Variants in ACTN1 observed in about 807,000 individuals in gnomAD.
ACTN1 encodes alpha-actinin-1.
A neutral mutation model predicts 119.6 loss-of-function variants in ACTN1; 30 were observed. The observed-to-expected ratio is 0.25, with a 90% CI of 0.19 to 0.34. The LOEUF is 0.34. Among genes scored for constraint, ACTN1 ranks in the 10% least tolerant of loss-of-function variants. ACTN1 has a pLI of 1.00. For synonymous variants in ACTN1, 429 were observed against 472.6 expected (o/e 0.91, Z 1.20); for missense variants, 764 against 1,223.4 (o/e 0.62, Z 5.60).
chr14:68,965,695 C>T (rs774142212), intron 1 of ACTN1, among the ~76,000 whole-genome samples: 3 of 152,204 alleles, frequency 2.0e-5, no homozygotes, highest in Non-Finnish European at 2.9e-5. Flanking sequence ...GCAGGTATTT[C>T]CAGAGCCAGA....
intron 1 of ACTN1, among the ~76,000 whole-genome samples, chr14:68,976,547 G>C (rs1233030893): frequency 6.6e-6 from 1 of 152,230 alleles, no homozygotes. Flanking sequence ...TGAATCTTCA[G>C]AGTCAGGCCC....
At chr14:68,976,922 C>G (rs1272888992) in intron 1 of ACTN1, among the ~76,000 whole-genome samples, 1 of 152,234 alleles carries the variant, frequency 6.6e-6, no homozygotes, top group African/African-American at 2.4e-5. Flanking sequence ...CACCCACTGC[C>G]ACCCAGGTCA....
chr14:68,932,915 A>G (rs964247819), intron 1 of ACTN1, among the ~76,000 whole-genome samples: 6 of 152,156 alleles, frequency 3.9e-5, no homozygotes, highest in African/African-American at 1.4e-4. Context: ...GGAGACAAAC[A>G]CATATGCCAC....
At chr14:68,895,922 T>C (rs1424261311) in intron 8 of ACTN1, among the ~76,000 whole-genome samples, 1 of 152,030 alleles carries the variant, frequency 6.6e-6, no homozygotes, top group Admixed American at 6.6e-5. Flanking sequence ...AGATTCCGGG[T>C]GGGCCTCCTG....
At chr14:68,946,987 T>C (rs1273614058) in intron 1 of ACTN1, among the ~76,000 whole-genome samples, 2 of 152,226 alleles carry the variant, frequency 1.3e-5, no homozygotes, top group Non-Finnish European at 2.9e-5. Flanking sequence ...TCTCCCACTT[T>C]CCAAGGGGCC....
intron 1 of ACTN1, among the ~76,000 whole-genome samples, chr14:68,949,725 C>T (rs1594861197): frequency 6.6e-6 from 1 of 152,196 alleles, no homozygotes; most frequent in South Asian, 2.1e-4. Flanking sequence ...AACAGATGAA[C>T]GGAGAAACCA....
intron 21 of ACTN1, among the ~76,000 whole-genome samples, chr14:68,876,385 C>G (rs2030894374): frequency 1.3e-5 from 2 of 152,180 alleles, no homozygotes; most frequent in African/African-American, 4.8e-5. Flanking sequence ...ACCCCACCCC[C>G]ACCATTTCTT....
chr14:68,971,704 A>G (rs1375297653), intron 1 of ACTN1, among the ~76,000 whole-genome samples: 1 of 152,202 alleles, frequency 6.6e-6, no homozygotes, highest in Non-Finnish European at 1.5e-5. Context: ...GGGTTTCCCT[A>G]GGTCCCCCAG....
intron 10 of ACTN1, 93 bp from the exon 11 acceptor site, chr14:68,890,379 T>G: frequency 6.9e-7 from 1 of 1,446,326 alleles, no homozygotes; most frequent in Non-Finnish European, 9.4e-7. Context: ...CCCCATGCCT[T>G]CCAGGAAGAG....
intron 3 of ACTN1, among the ~76,000 whole-genome samples, chr14:68,914,888 A>C (rs1190720101): frequency 1.3e-5 from 2 of 152,200 alleles, no homozygotes; most frequent in Non-Finnish European, 2.9e-5. Context: ...AATAATAATA[A>C]TTTCTGGGAA....
rs1172671131 is a variant in ACTN1, at chr14:68,925,936, G to A, written c.106-264C>T. ...GAAGCAGCAAATTCCCTTAACATCC[G>A]CCTCCCAGCCCTCTCTCAAAGACTC... On this transcript the variant is annotated intron_variant, in intron 1 of 21. Transcript: ENST00000394419. This position sits in a 1 kb window ranked among gnomAD's most constrained non-coding sequence, Gnocchi z 4.3. Among the ~76,000 whole-genome samples the A allele has an allele frequency of 6.6e-6, 1 of 152,148 alleles. No homozygotes were observed. The highest frequency in any genetic ancestry group is 1.9e-4 in the East Asian group (1 of 5,200).
At chr14:68,922,669 G>A (rs1345981690) in intron 2 of ACTN1, among the ~76,000 whole-genome samples, 1 of 152,266 alleles carries the variant, frequency 6.6e-6, no homozygotes, top group African/African-American at 2.4e-5. Flanking sequence ...AAACACGGGA[G>A]AATGGAAAAA....
At chr14:68,933,054 C>T (rs1204167586) in intron 1 of ACTN1, among the ~76,000 whole-genome samples, 1 of 152,144 alleles carries the variant, frequency 6.6e-6, no homozygotes, top group Non-Finnish European at 1.5e-5. Context: ...TATTATTCTC[C>T]CCACTTTAGA....
rs567381353 is a variant in ACTN1, at chr14:68,918,976, G to A, written c.340+2030C>T. ...ACGTGGCTGGTGATACCCATCCTACGAGCCCATCATGAGTGTAGCAGGAGA... is the reference window on the plus strand; with the variant it reads ...ACGTGGCTGGTGATACCCATCCTACAAGCCCATCATGAGTGTAGCAGGAGA... On this transcript the variant is annotated intron_variant, in intron 3 of 21. Transcript: ENST00000394419. Among the ~76,000 whole-genome samples the A allele has an allele frequency of 3.9e-5, 6 of 152,242 alleles. No individual in the cohort carries two copies. The East Asian group carries it at 7.7e-4, about 20-fold the overall frequency.
At chr14:68,964,304 A>AGTAC in intron 1 of ACTN1, among the ~76,000 whole-genome samples, 1 of 152,310 alleles carries the variant, frequency 6.6e-6, no homozygotes, top group Admixed American at 6.5e-5. Flanking sequence ...ACAGGAGTCA[A>AGTAC]GTACCCTCCA....
Position 68,885,311 on chromosome 14 carries a change from C to T in ACTN1, c.1385+114G>A. On this transcript the variant is annotated intron_variant, in intron 12 of 21. Transcript: ENST00000394419. The surrounding 1 kb of genome is among the most constrained non-coding windows in gnomAD (Gnocchi z 5.6). Reference sequence around the variant, plus strand: ...GTTGACTCCCTCCCCACCTGGGCACCCACCTGTACCCACCCTCCCCATCTT... The same window carrying T: ...GTTGACTCCCTCCCCACCTGGGCACTCACCTGTACCCACCCTCCCCATCTT... The T allele has an allele frequency of 1.5e-6, 2 of 1,343,220 alleles. No homozygotes were observed. Among genetic ancestry groups the T allele is most frequent in the Non-Finnish European group, 2.0e-6 (2 of 1,009,824 alleles). The allele number at this position is 1,343,220 out of a possible 1,614,324, so 83.2% of individuals were successfully genotyped here. A position where few individuals can be genotyped will look rare whatever the true frequency, so the allele number is the denominator to read the frequency against.
intron 10 of ACTN1, 108 bp from the exon 11 acceptor site, chr14:68,890,394 T>A: frequency 7.6e-7 from 1 of 1,322,902 alleles, no homozygotes; most frequent in Non-Finnish European, 1.0e-6. Context: ...GAAGAGCCTC[T>A]TCCCTATCTC....
chr14:68,977,953 G>A (rs1173036264), intron 1 of ACTN1: 1 of 456,020 alleles, frequency 2.2e-6, no homozygotes, highest in Admixed American at 2.3e-5. Flanking sequence ...GGCTCACCGC[G>A]CAGGCAGGAA....
chr14:68,909,954 C>A lies in ACTN1; in HGVS notation c.515+1G>T. On this transcript the variant is annotated splice_donor_variant, in intron 5 of 21. Transcript: ENST00000394419. LOFTEE classifies it high-confidence loss of function. This position sits in a 1 kb window ranked among gnomAD's most constrained non-coding sequence, Gnocchi z 4.1. ...AGAGCCCCTCAGACCCCAGCACTCA[C>A]CTTATGTGGAAGTTCTGGATGTTGA... The A allele has an allele frequency of 6.2e-7, 1 of 1,613,758 alleles. No individual in the cohort carries two copies. The highest frequency in any genetic ancestry group is 8.5e-7 in the Non-Finnish European group (1 of 1,179,726).
Sources: allele counts gnomAD v4.1 joint callset (sites outside exome capture counted in the v4.1 genomes callset), GRCh38; gene constraint gnomAD v4.1.1; non-coding constraint Gnocchi (gnomAD v3.1); transcripts MANE v1.5; gene names NCBI Gene and HGNC (gene_info 2026-07-23, HGNC 2026-07-21).